LRRC4C: variants seen among roughly 807,000 people sequenced by gnomAD.
LRRC4C encodes the protein leucine rich repeat containing 4C, also known as leucine-rich repeat-containing protein 4C.
Under a neutral mutation model 33.6 loss-of-function variants are expected in LRRC4C, and 5 were observed. The observed-to-expected ratio is 0.15, with a 90% CI of 0.08 to 0.31. The LOEUF (loss-of-function observed/expected upper bound fraction) is 0.31, where lower values mean the gene tolerates loss of function less well. Ranked by LOEUF, LRRC4C falls within the 10% of genes least tolerant of loss-of-function variation. The pLI is 1.00. For missense variants in LRRC4C, 560 were observed against 796.7 expected (o/e 0.70, Z 3.58); for synonymous variants, 329 against 302.0 (o/e 1.09, Z -0.93).
intron 3 of LRRC4C, among the ~76,000 whole-genome samples, chr11:40,499,612 A>G (rs1300138881): frequency 6.6e-6 from 1 of 152,220 alleles, no homozygotes; most frequent in Non-Finnish European, 1.5e-5. Context: ...CAATGTATTG[A>G]TGATTATGGA....
chr11:40,685,587 C>T (rs906214994), intron 2 of LRRC4C, among the ~76,000 whole-genome samples: 12 of 151,824 alleles, frequency 7.9e-5, no homozygotes, highest in Admixed American at 2.6e-4. Flanking sequence ...AAATGTATCA[C>T]TACCCAGAAA....
chr11:41,165,769 C>T (rs1944693487), intron 1 of LRRC4C, among the ~76,000 whole-genome samples: 1 of 152,128 alleles, frequency 6.6e-6, no homozygotes, highest in Admixed American at 6.5e-5. Flanking sequence ...GTGGCTCAGA[C>T]CTGTAATCCC....
chr11:40,672,674 C>A, intron 2 of LRRC4C, among the ~76,000 whole-genome samples: 1 of 152,078 alleles, frequency 6.6e-6, no homozygotes, highest in East Asian at 1.9e-4. Flanking sequence ...ATGCCTTAGC[C>A]AGTAATCTCT....
chr11:41,316,634 A>G (rs1399340630), intron 1 of LRRC4C, among the ~76,000 whole-genome samples: 2 of 152,132 alleles, frequency 1.3e-5, no homozygotes, highest in Non-Finnish European at 2.9e-5. Flanking sequence ...ATGTAGAGCT[A>G]TTGTTTCTTA....
intron 2 of LRRC4C, among the ~76,000 whole-genome samples, chr11:40,783,937 A>G (rs1011520181): frequency 2.6e-5 from 4 of 152,152 alleles, no homozygotes; most frequent in African/African-American, 7.2e-5. Flanking sequence ...CAAGCAAGCT[A>G]CTACTTTAAA....
chr11:40,187,840 A>G (rs972603265), intron 5 of LRRC4C, among the ~76,000 whole-genome samples: 5 of 152,158 alleles, frequency 3.3e-5, no homozygotes, highest in Non-Finnish European at 5.9e-5. Context: ...CTCTCACTCC[A>G]GAAATCAGCC....
intron 2 of LRRC4C, among the ~76,000 whole-genome samples, chr11:40,777,257 G>A (rs75250102): frequency 3.3e-5 from 5 of 152,264 alleles, no homozygotes; most frequent in East Asian, 1.9e-4. Flanking sequence ...AATGTTGAAC[G>A]TAAGTCCAGG....
At chr11:41,444,351 G>A (rs1350221789) in intron 1 of LRRC4C, among the ~76,000 whole-genome samples, 2 of 152,140 alleles carry the variant, frequency 1.3e-5, no homozygotes, top group Admixed American at 1.3e-4. Flanking sequence ...CATTTCTGTT[G>A]TATTACAATT....
intron 3 of LRRC4C, among the ~76,000 whole-genome samples, chr11:40,440,929 A>G (rs1300088169): frequency 1.3e-5 from 2 of 151,830 alleles, no homozygotes; most frequent in Non-Finnish European, 2.9e-5. Flanking sequence ...TTCCTGTTTG[A>G]ACAAGGCTAT....
chr11:40,356,647 T>A (rs1342434264), intron 3 of LRRC4C, among the ~76,000 whole-genome samples: 6 of 151,908 alleles, frequency 3.9e-5, no homozygotes, highest in Non-Finnish European at 8.8e-5. Flanking sequence ...GAAAGAAGAG[T>A]AGATAATCCT....
At chr11:41,394,767 T>C (rs1427925860) in intron 1 of LRRC4C, 1 of 152,032 alleles carries the variant, frequency 6.6e-6, no homozygotes, top group Non-Finnish European at 1.5e-5. Context: ...TTCTTTTTAC[T>C]CTTTGATTGG....
chr11:40,807,661 C>T (rs1023024817), intron 2 of LRRC4C, among the ~76,000 whole-genome samples: 2 of 152,192 alleles, frequency 1.3e-5, no homozygotes, highest in East Asian at 1.9e-4. Flanking sequence ...GCAGGCATTG[C>T]AGTTTTCTGC....
chr11:40,536,850 A>G (rs1193183140), intron 3 of LRRC4C, among the ~76,000 whole-genome samples: 2 of 151,566 alleles, frequency 1.3e-5, no homozygotes, highest in African/African-American at 4.8e-5. Context: ...CCCTACTTCA[A>G]TTTTCTCCAC....
At chr11:40,292,433 G>A (rs1944256353) in intron 4 of LRRC4C, 1 of 152,078 alleles carries the variant, frequency 6.6e-6, no homozygotes, top group South Asian at 2.1e-4. Context: ...TTTCTTCTCT[G>A]AAATTTCTTT....
intron 1 of LRRC4C, among the ~76,000 whole-genome samples, chr11:41,442,693 T>A (rs933575486): frequency 6.6e-6 from 1 of 151,926 alleles, no homozygotes; most frequent in Non-Finnish European, 1.5e-5. Flanking sequence ...ATGGTCTCGA[T>A]CTCCTGACCT....
chr11:40,137,339 T>A (rs1218803580), intron 6 of LRRC4C, among the ~76,000 whole-genome samples: 1 of 152,184 alleles, frequency 6.6e-6, no homozygotes, highest in African/African-American at 2.4e-5. Context: ...CCTGGATTTT[T>A]ATTTTTATTT....
At chr11:40,703,698 C>G (rs1251896416) in intron 2 of LRRC4C, among the ~76,000 whole-genome samples, 1 of 152,140 alleles carries the variant, frequency 6.6e-6, no homozygotes, top group African/African-American at 2.4e-5. Context: ...AAGGCAAAAG[C>G]AAGTCCTACT....
At chr11:40,379,234 G>A (rs952289085) in intron 3 of LRRC4C, among the ~76,000 whole-genome samples, 3 of 151,620 alleles carry the variant, frequency 2.0e-5, no homozygotes, top group Non-Finnish European at 4.4e-5. Context: ...GTATTTACTC[G>A]GTCATTTTTA....
intron 3 of LRRC4C, among the ~76,000 whole-genome samples, chr11:40,375,900 C>T (rs1044815256): frequency 2.0e-5 from 3 of 152,134 alleles, no homozygotes; most frequent in African/African-American, 7.2e-5. Context: ...GTCACTTAAT[C>T]TCTAGGTGCC....
Sources: gnomAD v4.1 joint callset for allele counts (sites outside exome capture counted in the v4.1 genomes callset) on GRCh38, gnomAD v4.1.1 for gene constraint, MANE v1.5 for transcripts, NCBI Gene and HGNC (gene_info 2026-07-23, HGNC 2026-07-21) for gene names.